Variants in LRP1B observed in about 807,000 individuals in gnomAD.
LRP1B encodes the protein low-density lipoprotein receptor-related protein 1B.
Under a neutral mutation model 556.6 loss-of-function variants are expected in LRP1B, and 217 were observed. The observed-to-expected ratio is 0.39, with a 90% CI of 0.35 to 0.44. LRP1B has a LOEUF of 0.44. Ranked by LOEUF, LRP1B falls within the 20% of genes least tolerant of loss-of-function variation. The pLI, the probability that LRP1B is intolerant of heterozygous loss-of-function variation, is 1.00. For synonymous variants in LRP1B, 2,047 were observed against 1,865.8 expected (o/e 1.10, Z -2.50); for missense variants, 5,053 against 5,620.8 (o/e 0.90, Z 3.23).
intron 2 of LRP1B, among the ~76,000 whole-genome samples, chr2:141,732,241 C>T (rs547651862): frequency 1.3e-5 from 2 of 152,206 alleles, no homozygotes; most frequent in African/African-American, 4.8e-5. Context: ...GGAATTACTA[C>T]GAAATTATGA....
At chr2:140,776,007 A>G in intron 33 of LRP1B, 91 bp downstream of exon 33, 1 of 1,111,020 alleles carries the variant, frequency 9.0e-7, no homozygotes, top group Non-Finnish European at 1.3e-6. Context: ...AAGCAAGAAT[A>G]GAAACCTTTT....
intron 1 of LRP1B, among the ~76,000 whole-genome samples, chr2:141,920,883 A>G (rs1700168234): frequency 6.6e-6 from 1 of 151,968 alleles, no homozygotes; most frequent in Non-Finnish European, 1.5e-5. Flanking sequence ...AACACTTGGT[A>G]TTAGTCCTGT....
At chr2:141,944,020 C>CA (rs1558977244) in intron 1 of LRP1B, among the ~76,000 whole-genome samples, 2 of 152,266 alleles carry the variant, frequency 1.3e-5, no homozygotes, top group East Asian at 3.9e-4. Flanking sequence ...CTCCCCTCTG[C>CA]AAATGGCAGG....
At chr2:140,536,187 G>T (rs1383359652) in intron 46 of LRP1B, among the ~76,000 whole-genome samples, 1 of 151,444 alleles carries the variant, frequency 6.6e-6, no homozygotes, top group African/African-American at 2.4e-5. Flanking sequence ...CTCAGAATGT[G>T]AATATTTTTA....
intron 7 of LRP1B, among the ~76,000 whole-genome samples, chr2:141,118,124 A>G (rs1180645019): frequency 6.6e-6 from 1 of 151,870 alleles, no homozygotes; most frequent in East Asian, 2.0e-4. Flanking sequence ...AGGATGGAAT[A>G]TTTTAATGCA....
Position 141,989,849 on chromosome 2 carries a change from T to C in LRP1B, c.82+140799A>G, listed in dbSNP as rs146494869. On this transcript the variant is annotated intron_variant, in intron 1 of 90. Transcript: ENST00000389484. Reference sequence around the variant, plus strand: ...AACTATGAGTCAATTAAACCTATTTTCTTTATAAATTACCCAGTCTCAGGT... The same window carrying C: ...AACTATGAGTCAATTAAACCTATTTCCTTTATAAATTACCCAGTCTCAGGT... Among the ~76,000 whole-genome samples, 104 of 152,200 alleles carry C rather than the reference T, an allele frequency of 6.8e-4. 1 individual carries two copies. In the East Asian group the frequency reaches 0.018, roughly 27 times the overall value.
At chr2:141,695,066 T>C (rs571686956) in intron 2 of LRP1B, among the ~76,000 whole-genome samples, 2 of 152,068 alleles carry the variant, frequency 1.3e-5, no homozygotes, top group Non-Finnish European at 2.9e-5. Context: ...TGTGGAATGA[T>C]TGTTCACATT....
intron 1 of LRP1B, among the ~76,000 whole-genome samples, chr2:141,985,003 T>C (rs1371742395): frequency 6.6e-6 from 1 of 152,196 alleles, no homozygotes; most frequent in East Asian, 1.9e-4. Flanking sequence ...TAGAATTTAC[T>C]ATTAACAAAT....
intron 6 of LRP1B, among the ~76,000 whole-genome samples, chr2:141,220,435 C>A (rs144213939): frequency 6.6e-6 from 1 of 151,850 alleles, no homozygotes; most frequent in Non-Finnish European, 1.5e-5. Flanking sequence ...AAGGATAGGA[C>A]CTATGACTGA....
At chr2:141,021,105 G>A (rs1190071235) in intron 11 of LRP1B, among the ~76,000 whole-genome samples, 1 of 151,924 alleles carries the variant, frequency 6.6e-6, no homozygotes, top group Non-Finnish European at 1.5e-5. Flanking sequence ...TTTGGCATGA[G>A]TTACAGAACT....
intron 2 of LRP1B, among the ~76,000 whole-genome samples, chr2:141,796,895 A>G (rs1248135546): frequency 6.6e-6 from 1 of 151,544 alleles, no homozygotes; most frequent in African/African-American, 2.4e-5. Flanking sequence ...CAATTGTTTC[A>G]TTGCTGAACC....
At chr2:140,615,678 T>C (rs1049741794) in intron 41 of LRP1B, among the ~76,000 whole-genome samples, 8 of 152,060 alleles carry the variant, frequency 5.3e-5, no homozygotes, top group South Asian at 4.1e-4. Flanking sequence ...GAAATACGTA[T>C]CACAATGCTG....
intron 84 of LRP1B, among the ~76,000 whole-genome samples, chr2:140,285,117 G>A (rs1314106138): frequency 6.7e-6 from 1 of 149,640 alleles, no homozygotes; most frequent in Non-Finnish European, 1.5e-5. Flanking sequence ...ATATATGTGT[G>A]TGTATATATA....
chr2:140,341,582 TAAGG>T (rs1211741179), intron 77 of LRP1B, among the ~76,000 whole-genome samples: 1 of 151,384 alleles, frequency 6.6e-6, no homozygotes, highest in South Asian at 2.1e-4. Flanking sequence ...TTAGCAAAAT[TAAGG>T]AAGACAGAAA....
At position 140,701,599 on chromosome 2, in the gene LRP1B, G is replaced by A. The variant is rs1686643477; in HGVS notation, c.6427+122C>T. 6.6e-6 allele frequency: 6 copies of A among 913,084 alleles called. No individual in the cohort carries two copies. In the East Asian group the frequency reaches 1.6e-4, roughly 24 times the overall value. 56.6% of individuals were successfully genotyped at this position (913,084 alleles called of 1,614,324 possible). ...ATATGATACTTGCAGGAAATTAGAT[G>A]TAAAGATAATGTTTTGAGGTTTTAG... On this transcript the variant is annotated intron_variant, in intron 40 of 90. Coordinates refer to ENST00000389484, the MANE Select transcript of LRP1B (RefSeq NM_018557.3).
intron 18 of LRP1B, among the ~76,000 whole-genome samples, chr2:140,965,832 G>T (rs1342801971): frequency 2.1e-5 from 3 of 140,172 alleles, no homozygotes; most frequent in African/African-American, 5.3e-5. Flanking sequence ...GCAATAGTTT[G>T]CTGAGAATGA....
At chr2:141,194,175 C>A (rs1681648266) in intron 6 of LRP1B, among the ~76,000 whole-genome samples, 2 of 152,076 alleles carry the variant, frequency 1.3e-5, no homozygotes, top group African/African-American at 2.4e-5. Context: ...GTTTTGCCAT[C>A]CTGCTGGTTC....
rs188626007 is a variant in LRP1B at position 140,781,681 on chromosome 2, G to A, written c.5360-5443C>T. 2.6e-4 allele frequency among the ~76,000 whole-genome samples: 40 copies of A among 152,188 alleles called. 1 individual carries two copies. Among genetic ancestry groups the A allele is most frequent in the Admixed American group, 2.0e-3 (30 of 15,290 alleles). ...TTAGTGCTATGAAGAAAATAGTCACGGTTCAATTCTTATTTATGATGGTTT... is the reference window on the plus strand; with the variant it reads ...TTAGTGCTATGAAGAAAATAGTCACAGTTCAATTCTTATTTATGATGGTTT... On this transcript the variant is annotated intron_variant, in intron 32 of 90. Transcript: ENST00000389484.
intron 18 of LRP1B, among the ~76,000 whole-genome samples, chr2:140,954,373 T>C (rs1228778235): frequency 6.6e-6 from 1 of 152,126 alleles, no homozygotes; most frequent in Non-Finnish European, 1.5e-5. Flanking sequence ...TATGATGAGA[T>C]CTAATCTTTA....
Sources: allele counts gnomAD v4.1 joint callset (sites outside exome capture counted in the v4.1 genomes callset), GRCh38; gene constraint gnomAD v4.1.1; transcripts MANE v1.5; gene names NCBI Gene and HGNC (gene_info 2026-07-23, HGNC 2026-07-21).